The following SLC5A4 variants were observed in gnomAD, a reference collection of about 807,000 sequenced individuals.
SLC5A4 encodes the protein solute carrier family 5 member 4.
SLC5A4 carries 55 observed loss-of-function variants against 70.3 expected under a neutral mutation model. The ratio of observed to expected loss-of-function variants is 0.78; its 90% CI spans 0.63 to 0.98. The LOEUF is 0.98. SLC5A4 is among the 50% of genes least tolerant of loss of function. The pLI, the probability that SLC5A4 is intolerant of heterozygous loss-of-function variation, is 0.00. For synonymous variants in SLC5A4, 268 were observed against 305.7 expected, an observed-to-expected ratio of 0.88 and a Z score of 1.29; for missense variants, 735 against 839.2, an observed-to-expected ratio of 0.88 and a Z score of 1.53.
rs1202965642 is a variant in SLC5A4 at position 32,251,808 on chromosome 22, C to T, written c.274G>A (p.Ala92Thr). The T allele has an allele frequency of 1.2e-6, 2 of 1,613,804 alleles. No homozygotes were observed. The highest frequency in any genetic ancestry group is 1.3e-5 in the African/African-American group (1 of 74,918). ...NHYVGLAGTG[A>T]ASGVATVTFE... ...GTTACGGTGGCGACTCCTGAAGCTG[C>T]TCCTGTCCCAGCCAGCCCCACATAG... The change falls in exon 3 of 15, where the codon GCA becomes ACA. Residue 92 changes from alanine to threonine, a missense_variant. Physicochemically the swap from Ala to Thr is moderately conservative, Grantham distance 58. Coordinates refer to ENST00000266086, the MANE Select transcript of SLC5A4 (RefSeq NM_014227.3).
At chr22:32,329,063 T>C in the SLC5A4 span, among the ~76,000 whole-genome samples, 1 of 152,194 alleles carries the variant, frequency 6.6e-6, no homozygotes, top group Non-Finnish European at 1.5e-5. Context: ...CCTTCAGGGA[T>C]GTGTGGGTTC....
At chr22:32,331,086 T>C in the SLC5A4 span, among the ~76,000 whole-genome samples, 10,648 of 103,240 alleles carry the variant, frequency 0.1, 578 homozygotes, top group Non-Finnish European at 0.16. Context: ...TTGAAGGCTC[T>C]GGTGTGTGTG....
chr22:32,323,240 G>A, the SLC5A4 span, among the ~76,000 whole-genome samples: 7 of 151,952 alleles, frequency 4.6e-5, no homozygotes, highest in Admixed American at 2.0e-4. Flanking sequence ...GGTGGACCCC[G>A]CACCTCCTCA....
At chr22:32,303,598 A>G in the SLC5A4 span, among the ~76,000 whole-genome samples, 1 of 115,370 alleles carries the variant, frequency 8.7e-6, no homozygotes, top group Non-Finnish European at 1.9e-5. Flanking sequence ...ACTCAGTAAT[A>G]TGCATCTGTT....
intron 5 of SLC5A4, among the ~76,000 whole-genome samples, 195 bp from the exon 6 acceptor site, chr22:32,239,285 T>C (rs985258721): frequency 5.3e-5 from 8 of 151,454 alleles, no homozygotes; most frequent in Admixed American, 6.6e-5. Context: ...TTCACTCTCT[T>C]CTGTAGTCGC....
intron 4 of SLC5A4, among the ~76,000 whole-genome samples, chr22:32,247,858 C>T (rs1248559998): frequency 6.6e-6 from 1 of 152,264 alleles, no homozygotes; most frequent in Non-Finnish European, 1.5e-5. Context: ...AGTCATCATT[C>T]TCCTTGTCAT....
chr22:32,316,178 TAC>T, the SLC5A4 span, among the ~76,000 whole-genome samples: 5 of 151,496 alleles, frequency 3.3e-5, no homozygotes, highest in Admixed American at 2.6e-4. Flanking sequence ...ATGGTTGCAC[TAC>T]AGTGAGAAGT....
At chr22:32,311,639 T>C in the SLC5A4 span, among the ~76,000 whole-genome samples, 2 of 152,160 alleles carry the variant, frequency 1.3e-5, no homozygotes, top group Non-Finnish European at 2.9e-5. Context: ...CCAGCAAAGA[T>C]CCATGTGTCT....
intron 11 of SLC5A4, 131 bp downstream of exon 11, chr22:32,229,063 A>C (rs1233026622): frequency 1.3e-6 from 1 of 761,320 alleles, no homozygotes; most frequent in Non-Finnish European, 2.1e-6. Flanking sequence ...AATTTGATGT[A>C]CTCCAATGTC....
chr22:32,310,898 C>T, the SLC5A4 span, among the ~76,000 whole-genome samples: 11 of 152,204 alleles, frequency 7.2e-5, no homozygotes, highest in Non-Finnish European at 1.5e-4. Flanking sequence ...CAGTGGAGCC[C>T]AGGGCTGGGC....
At chr22:32,316,151 G>A in the SLC5A4 span, among the ~76,000 whole-genome samples, 1 of 150,032 alleles carries the variant, frequency 6.7e-6, no homozygotes, top group African/African-American at 2.5e-5. Flanking sequence ...ATAAAGTTCT[G>A]CAGGTGGATG....
chr22:32,242,981 C>T (rs1171623567), intron 5 of SLC5A4, among the ~76,000 whole-genome samples: 1 of 152,128 alleles, frequency 6.6e-6, no homozygotes, highest in Non-Finnish European at 1.5e-5. Flanking sequence ...CTGGATATTT[C>T]AGTGGTTTAA....
intron 9 of SLC5A4, among the ~76,000 whole-genome samples, chr22:32,231,651 CT>C (rs1221789111): frequency 7.2e-5 from 11 of 152,318 alleles, no homozygotes; most frequent in Non-Finnish European, 1.3e-4. Flanking sequence ...AAAAATAACA[CT>C]TCAGCACATT....
At chr22:32,349,016 G>A in the SLC5A4 span, among the ~76,000 whole-genome samples, 13 of 151,944 alleles carry the variant, frequency 8.6e-5, no homozygotes, top group Admixed American at 3.9e-4. Flanking sequence ...TTGCTCTGTC[G>A]CCAGGCTGGA....
Position 32,224,425 on chromosome 22 carries a change from C to G in SLC5A4, c.1507G>C (p.Glu503Gln). The change falls in exon 13 of 15, where the codon GAG (glutamate) becomes CAG (glutamine). Residue 503 changes from glutamate to glutamine, a missense_variant. By Grantham distance (29) the Glu-to-Gln change is conservative. Coordinates refer to ENST00000266086, the MANE Select transcript of SLC5A4 (RefSeq NM_014227.3). ...LAMGLIRMITEFAYGTGSCLA... is the reference protein window; with the variant it reads ...LAMGLIRMITQFAYGTGSCLA... ...CAACTCCCTGTTCCATAAGCAAACT[C>G]TGTTATCATACGAATGAGGCCCATT... is the stretch of plus-strand genomic sequence containing the variant. 6.2e-7 allele frequency: 1 copy of G among 1,614,090 alleles called. No individual in the cohort carries two copies. The highest frequency in any genetic ancestry group is 8.5e-7 in the Non-Finnish European group (1 of 1,179,956).
the SLC5A4 span, among the ~76,000 whole-genome samples, chr22:32,333,335 G>A: frequency 3.0e-3 from 453 of 152,264 alleles, no homozygotes; most frequent in Admixed American, 5.8e-3. Context: ...TCCGGAAGGA[G>A]CATGACCTCA....
At chr22:32,242,359 C>A (rs574653519) in intron 5 of SLC5A4, among the ~76,000 whole-genome samples, 1 of 152,272 alleles carries the variant, frequency 6.6e-6, no homozygotes, top group African/African-American at 2.4e-5. Flanking sequence ...GATCATGCCC[C>A]ATCCTTTACA....
At chr22:32,286,797 T>C in the SLC5A4 span, among the ~76,000 whole-genome samples, 17 of 152,304 alleles carry the variant, frequency 1.1e-4, no homozygotes, top group East Asian at 2.9e-3. Context: ...AAGAAATAAG[T>C]GGCTAGTTTG....
intron 2 of SLC5A4, among the ~76,000 whole-genome samples, 188 bp downstream of exon 2, chr22:32,253,954 T>C (rs549697726): frequency 9.5e-4 from 145 of 152,220 alleles, no homozygotes; most frequent in Non-Finnish European, 1.6e-3. Context: ...AGCTAATTTT[T>C]GTATTTTTAG....
Sources: allele counts gnomAD v4.1 joint callset (sites outside exome capture counted in the v4.1 genomes callset), GRCh38; gene constraint gnomAD v4.1.1; transcripts MANE v1.5; gene names NCBI Gene and HGNC (gene_info 2026-07-23, HGNC 2026-07-21).